COL21A1: variants seen among roughly 807,000 people sequenced by gnomAD.
The protein encoded by COL21A1 is collagen type XXI alpha 1 chain.
A neutral mutation model predicts 137.9 loss-of-function variants in COL21A1; 149 were observed. The observed-to-expected ratio is 1.08, with a 90% CI of 0.95 to 1.24. The LOEUF (loss-of-function observed/expected upper bound fraction) is 1.24. Among genes scored for constraint, COL21A1 ranks in the 50% most tolerant of loss-of-function variants. COL21A1 has a pLI of 0.00. For synonymous variants in COL21A1, 456 were observed against 391.5 expected, an observed-to-expected ratio of 1.16 and a Z score of -1.95; for missense variants, 1,167 against 1,158.4, an observed-to-expected ratio of 1.01 and a Z score of -0.11.
chr6:56,097,658 C>T (rs950443366), intron 17 of COL21A1, among the ~76,000 whole-genome samples: 3 of 148,892 alleles, frequency 2.0e-5, no homozygotes, highest in Admixed American at 7.0e-5. Flanking sequence ...AGGGCAAAAA[C>T]AAACCCAAAT....
chr6:56,165,755 AGAT>A (rs1374116092), intron 7 of COL21A1, among the ~76,000 whole-genome samples: 1 of 152,198 alleles, frequency 6.6e-6, no homozygotes, highest in Non-Finnish European at 1.5e-5. Context: ...GGAAAAAAGA[AGAT>A]GATGACAACA....
intron 1 of COL21A1, among the ~76,000 whole-genome samples, chr6:56,218,415 T>C (rs1225391250): frequency 1.3e-5 from 2 of 152,096 alleles, no homozygotes; most frequent in Admixed American, 1.3e-4. Context: ...TTTAACTGTA[T>C]AGTAAAATCA....
chr6:56,354,489 AAAAC>A (rs139624789), intron 1 of COL21A1, among the ~76,000 whole-genome samples: 36,446 of 152,054 alleles, frequency 0.24, 5,925 homozygotes, highest in East Asian at 0.72. Context: ...TGAAATTAGA[AAAAC>A]AAACAAACAA....
chr6:56,185,633 C>T (rs1778231525), intron 1 of COL21A1, among the ~76,000 whole-genome samples: 2 of 151,584 alleles, frequency 1.3e-5, no homozygotes. Flanking sequence ...GACGGGGTTT[C>T]ACCTTGTTAG....
chr6:56,390,756 A>C (rs568945932), intron 1 of COL21A1, among the ~76,000 whole-genome samples: 1 of 152,300 alleles, frequency 6.6e-6, no homozygotes, highest in African/African-American at 2.4e-5. Flanking sequence ...AAAGGGGTCA[A>C]TTCAGCAAGA....
At chr6:56,149,922 T>C (rs1345669359) in intron 10 of COL21A1, among the ~76,000 whole-genome samples, 2 of 152,152 alleles carry the variant, frequency 1.3e-5, no homozygotes, top group East Asian at 1.9e-4. Context: ...ATAAGTTAAA[T>C]CACATCGGTC....
At chr6:56,315,885 T>A (rs1344038219) in intron 1 of COL21A1, among the ~76,000 whole-genome samples, 1 of 152,178 alleles carries the variant, frequency 6.6e-6, no homozygotes, top group Non-Finnish European at 1.5e-5. Context: ...AAAAGATAAG[T>A]ATGTGAAGTG....
intron 23 of COL21A1, among the ~76,000 whole-genome samples, chr6:56,065,475 T>A (rs1766159924): frequency 6.6e-6 from 1 of 152,046 alleles, no homozygotes; most frequent in African/African-American, 2.4e-5. Flanking sequence ...AAATCTAGAA[T>A]GATGAAAATA....
intron 1 of COL21A1, among the ~76,000 whole-genome samples, chr6:56,313,721 A>G (rs1441561694): frequency 6.6e-6 from 1 of 152,132 alleles, no homozygotes; most frequent in Admixed American, 6.6e-5. Flanking sequence ...AGTCCATAGC[A>G]TAGCCATTTG....
rs151062982 is a variant in COL21A1, at chr6:56,130,490, G to A, written c.1543-4341C>T. On this transcript the variant is annotated intron_variant, in intron 12 of 29. Transcript: ENST00000244728. Reference sequence around the variant, plus strand: ...ATGTTTAATAAAACTATAGAAGAAAGAGGTAAGCTGAGATTCCCTATTAAG... The same window carrying A: ...ATGTTTAATAAAACTATAGAAGAAAAAGGTAAGCTGAGATTCCCTATTAAG... Among the ~76,000 whole-genome samples the A allele has an allele frequency of 3.6e-3, 553 of 152,084 alleles. 6 individuals carry two copies. Among genetic ancestry groups the A allele is most frequent in the African/African-American group, 0.013 (526 of 41,492 alleles).
chr6:56,063,945 A>G (rs1283291731), intron 24 of COL21A1, among the ~76,000 whole-genome samples: 1 of 152,120 alleles, frequency 6.6e-6, no homozygotes, highest in East Asian at 1.9e-4. Context: ...CAAACATGCT[A>G]TCTAAGTACC....
At chr6:56,151,200 T>C (rs773882619) in intron 10 of COL21A1, among the ~76,000 whole-genome samples, 4 of 152,158 alleles carry the variant, frequency 2.6e-5, no homozygotes, top group Non-Finnish European at 5.9e-5. Flanking sequence ...CACTCCAGCC[T>C]GGACGACAGA....
intron 1 of COL21A1, among the ~76,000 whole-genome samples, chr6:56,286,756 A>G (rs930615365): frequency 2.0e-5 from 3 of 152,184 alleles, no homozygotes; most frequent in African/African-American, 7.2e-5. Context: ...GGTTATAGTG[A>G]TACTCAAAGC....
At chr6:56,220,727 TTGAAAAATAGC>T (rs1780777175) in intron 1 of COL21A1, among the ~76,000 whole-genome samples, 1 of 152,142 alleles carries the variant, frequency 6.6e-6, no homozygotes, top group Non-Finnish European at 1.5e-5. Context: ...TTGTCATACT[TTGAAAAATAGC>T]TGACTTTTAT....
At chr6:56,289,971 C>A (rs7748964) in intron 1 of COL21A1, among the ~76,000 whole-genome samples, 21,141 of 151,970 alleles carry the variant, frequency 0.14, 3,509 homozygotes, top group African/African-American at 0.4. Context: ...AGGCTGATAC[C>A]TTGTCCAGCC....
chr6:56,120,433 T>C (rs1288136650), intron 16 of COL21A1, among the ~76,000 whole-genome samples: 1 of 152,122 alleles, frequency 6.6e-6, no homozygotes, highest in African/African-American at 2.4e-5. Flanking sequence ...AAGGGAACAC[T>C]TGTACACTGT....
chr6:56,156,488 C>A (rs1404486717), intron 10 of COL21A1, among the ~76,000 whole-genome samples: 1 of 152,248 alleles, frequency 6.6e-6, no homozygotes, highest in East Asian at 1.9e-4. Flanking sequence ...GACCTGAGAG[C>A]CACCCCTTTG....
At chr6:56,218,838 G>A (rs1387442991) in intron 1 of COL21A1, among the ~76,000 whole-genome samples, 1 of 152,054 alleles carries the variant, frequency 6.6e-6, no homozygotes, top group Non-Finnish European at 1.5e-5. Context: ...GAGCCTTGAA[G>A]ATGAGGAGCA....
At chr6:56,199,617 T>C (rs1413478151) in intron 1 of COL21A1, among the ~76,000 whole-genome samples, 1 of 152,176 alleles carries the variant, frequency 6.6e-6, no homozygotes, top group Non-Finnish European at 1.5e-5. Context: ...TTGTGATAAT[T>C]AAAATTTATA....
Sources: gnomAD v4.1 joint callset for allele counts (sites outside exome capture counted in the v4.1 genomes callset) on GRCh38, gnomAD v4.1.1 for gene constraint, MANE v1.5 for transcripts, NCBI Gene and HGNC (gene_info 2026-07-23, HGNC 2026-07-21) for gene names.